Variants in GUCY2C observed in about 807,000 individuals in gnomAD.
GUCY2C encodes guanylate cyclase 2C.
Under a neutral mutation model 131.1 loss-of-function variants are expected in GUCY2C, and 118 were observed. That is an observed-to-expected ratio of 0.90 (90% CI 0.78 to 1.05). The LOEUF (loss-of-function observed/expected upper bound fraction) is 1.05, where lower values mean the gene tolerates loss of function less well. Ranked by LOEUF, GUCY2C falls within the 50% of genes least tolerant of loss-of-function variation. The pLI, the probability that GUCY2C is intolerant of heterozygous loss-of-function variation, is 0.00. For missense variants in GUCY2C, 1,161 were observed against 1,304.4 expected (o/e 0.89, Z 1.69); for synonymous variants, 452 against 457.8 (o/e 0.99, Z 0.16).
chr12:14,656,459 G>A, intron 12 of GUCY2C, 53 bp downstream of exon 12: 1 of 903,864 alleles, frequency 1.1e-6, no homozygotes, highest in Non-Finnish European at 1.9e-6. Flanking sequence ...CTTAAGTCTT[G>A]TCAAATACCT....
At chr12:14,679,788 T>C in intron 5 of GUCY2C, 35 bp from the exon 6 acceptor site, 1 of 1,075,670 alleles carries the variant, frequency 9.3e-7, no homozygotes, top group South Asian at 1.3e-5. Context: ...GAGAAATATA[T>C]GACAGTCTAC....
chr12:14,636,152 G>C (rs910420020), intron 19 of GUCY2C, among the ~76,000 whole-genome samples: 3 of 151,972 alleles, frequency 2.0e-5, no homozygotes, highest in Non-Finnish European at 4.4e-5. Flanking sequence ...CAACAAAAAA[G>C]GAAAACTATG....
At chr12:14,679,632 G>T (rs768338295) in intron 6 of GUCY2C, 25 bp downstream of exon 6, 5 of 1,080,420 alleles carry the variant, frequency 4.6e-6, no homozygotes, top group Non-Finnish European at 7.2e-6. Context: ...GAAAGGAGGA[G>T]GGTTTTTCCA....
chr12:14,656,506 C>T lies in GUCY2C; in HGVS notation c.1470+6G>A, dbSNP rs1408049193. On this transcript the variant is annotated splice_donor_region_variant and intron_variant, in intron 12 of 26. Coordinates refer to ENST00000261170, the MANE Select transcript of GUCY2C (RefSeq NM_004963.4). ...CCCATTCTTCAACAGGTAAGGTAGG[C>T]TTTACCTTGAGGCTAACATGATTGG... The T allele has an allele frequency of 6.9e-7, 1 of 1,445,700 alleles. No individual in the cohort carries two copies. The highest frequency in any genetic ancestry group is 9.7e-7 in the Non-Finnish European group (1 of 1,027,674). The allele number at this position is 1,445,700 out of a possible 1,614,324, so 89.6% of individuals were successfully genotyped here. A position where few individuals can be genotyped will look rare whatever the true frequency, so the allele number is the denominator to read the frequency against.
At position 14,646,900 on chromosome 12, in the gene GUCY2C, A is replaced by G. The variant is rs1392854137; in HGVS notation, c.1711-1585T>C. Among the ~76,000 whole-genome samples the G allele has an allele frequency of 2.6e-5, 4 of 152,326 alleles. No homozygotes were observed. In the South Asian group the frequency reaches 8.3e-4, roughly 32 times the overall value. ...ACACTCATAAAATAATCAGACAAAT[A>G]AACATAAGATTATAACTGTGATAAG... On this transcript the variant is annotated intron_variant, in intron 15 of 26. Coordinates refer to ENST00000261170, the MANE Select transcript of GUCY2C (RefSeq NM_004963.4).
chr12:14,641,028 A>G (rs1947391204), intron 18 of GUCY2C, 54 bp downstream of exon 18: 1 of 1,572,142 alleles, frequency 6.4e-7, no homozygotes, highest in Non-Finnish European at 8.7e-7. Context: ...CAGTAAGCCT[A>G]GAAAGCAGGT....
At chr12:14,623,538 G>A (rs1946939079) in intron 21 of GUCY2C, among the ~76,000 whole-genome samples, 1 of 152,216 alleles carries the variant, frequency 6.6e-6, no homozygotes, top group Non-Finnish European at 1.5e-5. Context: ...TAGATGCAAT[G>A]ACAAAATTGG....
At chr12:14,660,465 C>T (rs1459953332) in intron 11 of GUCY2C, among the ~76,000 whole-genome samples, 1 of 152,106 alleles carries the variant, frequency 6.6e-6, no homozygotes, top group Non-Finnish European at 1.5e-5. Context: ...TCTAGAGAAG[C>T]CATTTGACTT....
At position 14,616,624 on chromosome 12, in the gene GUCY2C, A is replaced by T. The variant is rs199904506; in HGVS notation, c.2970+9T>A. 6.5e-5 allele frequency: 95 copies of T among 1,458,932 alleles called. No homozygotes were observed. Among genetic ancestry groups the T allele is most frequent in the Middle Eastern group, 3.5e-4 (2 of 5,746 alleles). 90.4% of individuals were successfully genotyped at this position (1,458,932 alleles called of 1,614,324 possible). On this transcript the variant is annotated intron_variant, in intron 25 of 26. Coordinates refer to ENST00000261170, the MANE Select transcript of GUCY2C (RefSeq NM_004963.4). ...CTTTTCCTATGCATTGTCTCTGTGG[A>T]CTCCTTACCTTTAAGTATGTTTCTC... is the stretch of plus-strand genomic sequence containing the variant.
chr12:14,631,924 T>C (rs1177031520), intron 19 of GUCY2C, among the ~76,000 whole-genome samples: 6 of 150,502 alleles, frequency 4.0e-5, no homozygotes, highest in African/African-American at 1.5e-4. Context: ...ATTGCCATTC[T>C]AACTGGTGTG....
Position 14,643,643 on chromosome 12 carries a change from C to T in GUCY2C, c.1861G>A (p.Val621Ile), listed in dbSNP as rs751479593. ...TTCACCACCATTCTACTGTCCACTA[C>T]GCAGTTGGTAGATTTCAGACGACCA... ...VHGRLKSTNC[V>I]VDSRMVVKIT... is the part of the protein sequence containing the mutation. Residue 621 changes from valine (V) to isoleucine (I), a missense_variant, in exon 17 of 27, where the codon GTA becomes ATA. Val to Ile is a conservative substitution (Grantham distance 29). Transcript: ENST00000261170. The T allele has an allele frequency of 3.1e-6, 5 of 1,612,756 alleles. No homozygotes were observed. The highest frequency in any genetic ancestry group is 4.2e-6 in the Non-Finnish European group (5 of 1,178,782).
intron 19 of GUCY2C, among the ~76,000 whole-genome samples, chr12:14,637,148 A>T (rs1947287192): frequency 6.8e-6 from 1 of 148,128 alleles, no homozygotes; most frequent in Admixed American, 6.9e-5. Context: ...CCAATAATAA[A>T]CTCAGCAGGA....
At chr12:14,614,569 A>T in intron 26 of GUCY2C, 1 of 265,352 alleles carries the variant, frequency 3.8e-6, no homozygotes. Flanking sequence ...AAAAAAAAAA[A>T]GGTAGTTTTA....
intron 7 of GUCY2C, 23 bp downstream of exon 7, chr12:14,676,831 T>C (rs189994669): frequency 4.4e-5 from 35 of 796,902 alleles, no homozygotes; most frequent in African/African-American, 3.9e-4. Context: ...TAATTTATAC[T>C]ATAACATAAA....
At chr12:14,669,930 C>T in intron 9 of GUCY2C, 97 bp from the exon 10 acceptor site, 1 of 537,232 alleles carries the variant, frequency 1.9e-6, no homozygotes, top group Non-Finnish European at 3.3e-6. Flanking sequence ...CGCTTGATTT[C>T]CATAACAATT....
At position 14,668,591 on chromosome 12, in the gene GUCY2C, A is replaced by C. The variant is rs528664787; in HGVS notation, c.1282+1131T>G. On this transcript the variant is annotated intron_variant, in intron 10 of 26. Transcript: ENST00000261170. ...AGTGCTGGGATTACAGGCATGAGCC[A>C]CCACGCTTGGCTCTAAATAATTTTA... 2.1e-4 allele frequency among the ~76,000 whole-genome samples: 31 copies of C among 150,618 alleles called. No individual in the cohort carries two copies. In the South Asian group the frequency reaches 6.3e-3, roughly 31 times the overall value.
rs561518614 is a variant in GUCY2C at position 14,671,617 on chromosome 12, A to G, written c.1170+1256T>C. Among the ~76,000 whole-genome samples the G allele has an allele frequency of 4.6e-5, 7 of 152,356 alleles. No homozygotes were observed. The East Asian group carries it at 1.2e-3, about 25-fold the overall frequency. ...GTTATATAGCACAACCGATGGTACT[A>G]CATTATTGAAAAATTCACCCGAATT... is the stretch of plus-strand genomic sequence containing the variant. On this transcript the variant is annotated intron_variant, in intron 9 of 26. Transcript: ENST00000261170.
intron 1 of GUCY2C, among the ~76,000 whole-genome samples, chr12:14,689,303 A>G (rs1948534100): frequency 6.6e-6 from 1 of 152,096 alleles, no homozygotes; most frequent in Non-Finnish European, 1.5e-5. Flanking sequence ...GGTGAAGGGA[A>G]CTCCTATTGA....
rs201686554 is a variant in GUCY2C at position 14,645,312 on chromosome 12, C to A, written c.1714G>T (p.Val572Phe). 6.5e-7 allele frequency: 1 copy of A among 1,526,856 alleles called. No homozygotes were observed. Among genetic ancestry groups the A allele is most frequent in the Non-Finnish European group, 9.1e-7 (1 of 1,102,996 alleles). 94.6% of individuals were successfully genotyped at this position (1,526,856 alleles called of 1,614,324 possible). A position where few individuals can be genotyped will look rare whatever the true frequency, so the allele number is the denominator to read the frequency against. Residue 572 changes from valine to phenylalanine, a missense_variant, in exon 16 of 27, where the codon GTT becomes TTT. By Grantham distance (50) the Val-to-Phe change is conservative. Transcript: ENST00000261170. ...EYCERGSLRE[V>F]LNDTISYPDG... ...GGGTAGGAAATTGTGTCATTTAAAA[C>A]TTCCTGAATAGGAAAAAAGAAGAAG... is the stretch of plus-strand genomic sequence containing the variant.
Sources: gnomAD v4.1 joint callset for allele counts (sites outside exome capture counted in the v4.1 genomes callset) on GRCh38, gnomAD v4.1.1 for gene constraint, MANE v1.5 for transcripts, NCBI Gene and HGNC (gene_info 2026-07-23, HGNC 2026-07-21) for gene names.